Variants in IPO8 observed in about 807,000 individuals in gnomAD.
IPO8 encodes importin-8.
A neutral mutation model predicts 141.2 loss-of-function variants in IPO8; 65 were observed. The observed-to-expected ratio is 0.46, with a 90% CI of 0.38 to 0.57. The LOEUF (loss-of-function observed/expected upper bound fraction) is 0.57, where lower values mean the gene tolerates loss of function less well. IPO8 is among the 20% of genes least tolerant of loss of function. IPO8 has a pLI of 0.00. For synonymous variants in IPO8, 411 were observed against 420.3 expected, an observed-to-expected ratio of 0.98 and a Z score of 0.27; for missense variants, 980 against 1,246.8, an observed-to-expected ratio of 0.79 and a Z score of 3.22.
chr12:30,664,144 A>G (rs2052928236), intron 13 of IPO8, among the ~76,000 whole-genome samples: 1 of 152,178 alleles, frequency 6.6e-6, no homozygotes, highest in Non-Finnish European at 1.5e-5. Context: ...TCATTATTAT[A>G]TTTTACTCTC....
chr12:30,641,685 T>C (rs1281937965), intron 20 of IPO8, among the ~76,000 whole-genome samples: 6 of 152,010 alleles, frequency 3.9e-5, no homozygotes, highest in African/African-American at 9.7e-5. Flanking sequence ...TGGATGAACA[T>C]ATCTTAGAGA....
intron 23 of IPO8, 149 bp downstream of exon 23, chr12:30,633,934 T>C (rs964282768): frequency 9.6e-6 from 6 of 622,166 alleles, no homozygotes; most frequent in African/African-American, 7.4e-5. Context: ...ATTTCATGTA[T>C]GTATGTTTGG....
At chr12:30,669,453 AT>A (rs917820871) in intron 9 of IPO8, among the ~76,000 whole-genome samples, 171 bp from the exon 10 acceptor site, 12 of 151,984 alleles carry the variant, frequency 7.9e-5, no homozygotes, top group Non-Finnish European at 1.8e-4. Context: ...TTATTTTGAA[AT>A]TTTTTTTAAC....
At chr12:30,653,352 A>C (rs778506116) in intron 17 of IPO8, among the ~76,000 whole-genome samples, 7 of 152,076 alleles carry the variant, frequency 4.6e-5, no homozygotes, top group Non-Finnish European at 8.8e-5. Flanking sequence ...TTGAAAAAAT[A>C]AAGTTTTTTT....
At chr12:30,661,599 A>G (rs753930819) in intron 15 of IPO8, among the ~76,000 whole-genome samples, 26 of 133,248 alleles carry the variant, frequency 2.0e-4, no homozygotes, top group Admixed American at 4.3e-4. Context: ...GGAATCACTT[A>G]GAAAATGAAA....
intron 21 of IPO8, among the ~76,000 whole-genome samples, chr12:30,639,086 G>C (rs1465975283): frequency 1.3e-5 from 2 of 152,042 alleles, no homozygotes; most frequent in Non-Finnish European, 2.9e-5. Flanking sequence ...TTTGAGAACA[G>C]GCATCCCTGA....
At chr12:30,657,889 C>T (rs2052823422) in intron 16 of IPO8, among the ~76,000 whole-genome samples, 1 of 151,930 alleles carries the variant, frequency 6.6e-6, no homozygotes, top group Non-Finnish European at 1.5e-5. Flanking sequence ...TCTAGAAGGA[C>T]CCGAAAACCT....
chr12:30,667,446 A>G (rs1307504833), intron 10 of IPO8, among the ~76,000 whole-genome samples: 1 of 152,240 alleles, frequency 6.6e-6, no homozygotes, highest in Non-Finnish European at 1.5e-5. Flanking sequence ...TGTTGGTTAA[A>G]GAGTAGATAA....
At chr12:30,693,579 T>C (rs940246568) in intron 1 of IPO8, among the ~76,000 whole-genome samples, 5 of 152,238 alleles carry the variant, frequency 3.3e-5, no homozygotes, top group African/African-American at 1.2e-4. Context: ...CCCACTCATT[T>C]ATCCAACAAA....
rs182365262 is a variant in IPO8, at chr12:30,678,087, T to C, written c.640-1500A>G. Among the ~76,000 whole-genome samples, 81 of 142,116 alleles carry C rather than the reference T, an allele frequency of 5.7e-4. No homozygotes were observed. In the East Asian group the frequency reaches 0.015, roughly 27 times the overall value. 93.2% of individuals were successfully genotyped at this position (142,116 alleles called of 152,430 possible). ...TGGCAGTGAGCCGAGATTGTGCCAC[T>C]GCACTCCAGCCCGGGCGACAGAGGG... On this transcript the variant is annotated intron_variant, in intron 5 of 24. Transcript: ENST00000256079.
intron 8 of IPO8, among the ~76,000 whole-genome samples, chr12:30,673,240 C>T (rs2053075661): frequency 6.6e-6 from 1 of 152,104 alleles, no homozygotes; most frequent in South Asian, 2.1e-4. Flanking sequence ...GCCTGGGCAA[C>T]AGAGTGAGAC....
At chr12:30,692,511 T>C (rs776811213) in intron 1 of IPO8, among the ~76,000 whole-genome samples, 4 of 152,214 alleles carry the variant, frequency 2.6e-5, no homozygotes, top group Non-Finnish European at 5.9e-5. Flanking sequence ...TTCTAAAAAA[T>C]AAATAAGACT....
intron 9 of IPO8, among the ~76,000 whole-genome samples, 198 bp from the exon 10 acceptor site, chr12:30,669,480 C>G (rs7955574): frequency 0.51 from 77,592 of 151,706 alleles, 20,100 homozygotes; most frequent in African/African-American, 0.55. Context: ...CATTTTAGTC[C>G]TAAATGTCCA....
At position 30,690,524 on chromosome 12, in the gene IPO8, G is replaced by A. The variant is rs2053281590; in HGVS notation, c.138C>T (p.Asp46=). The A allele has an allele frequency of 1.3e-6, 2 of 1,598,664 alleles. No homozygotes were observed. The change falls in exon 2 of 25, where the codon GAC becomes GAT. Residue 46 remains aspartate, a synonymous_variant. Transcript: ENST00000256079. ...CCTGTCGTACTGGGAATTCCACATG[G>A]TCAGAGACTATAATCCGAAGTAAAC... ...APSLLRIIVS[D]HVEFPVRQAA...
At chr12:30,666,282 G>C in intron 10 of IPO8, 31 bp from the exon 11 acceptor site, 1 of 1,443,810 alleles carries the variant, frequency 6.9e-7, no homozygotes, top group Non-Finnish European at 9.5e-7. Flanking sequence ...AACCATGTTA[G>C]TGAAAATATA....
chr12:30,658,652 A>G (rs1446855749), intron 16 of IPO8, among the ~76,000 whole-genome samples: 2 of 152,166 alleles, frequency 1.3e-5, no homozygotes, highest in Non-Finnish European at 2.9e-5. Flanking sequence ...TGAAAACTGG[A>G]TAAGGTGATT....
intron 20 of IPO8, among the ~76,000 whole-genome samples, chr12:30,645,363 A>G (rs930294511): frequency 1.3e-5 from 2 of 148,534 alleles, no homozygotes; most frequent in Non-Finnish European, 3.0e-5. Context: ...ACACAGCAAG[A>G]CTTCATCTCA....
At chr12:30,668,629 T>C (rs752583995) in intron 10 of IPO8, among the ~76,000 whole-genome samples, 3 of 152,100 alleles carry the variant, frequency 2.0e-5, no homozygotes, top group Non-Finnish European at 4.4e-5. Flanking sequence ...CATGAAGCAA[T>C]TAATACAAAC....
In IPO8 at chr12:30,634,072, T is replaced by G; in HGVS notation, c.2899+11A>C. The G allele has an allele frequency of 6.2e-7, 1 of 1,605,478 alleles. No individual in the cohort carries two copies. Among genetic ancestry groups the G allele is most frequent in the Non-Finnish European group, 8.5e-7 (1 of 1,172,850 alleles). On this transcript the variant is annotated intron_variant, in intron 23 of 24. Transcript: ENST00000256079. ...AAAAATATCAGAAGATGTGGGGAAG[T>G]AAAGACATACTTATCAGAGCTTGTG... is the stretch of plus-strand genomic sequence containing the variant.
Sources: gnomAD v4.1 joint callset for allele counts (sites outside exome capture counted in the v4.1 genomes callset) on GRCh38, gnomAD v4.1.1 for gene constraint, MANE v1.5 for transcripts, NCBI Gene and HGNC (gene_info 2026-07-23, HGNC 2026-07-21) for gene names.